The following DNAJC6 variants were observed in gnomAD, a reference collection of about 807,000 sequenced individuals.
DNAJC6 encodes the protein auxilin.
In DNAJC6, 34 loss-of-function variants were observed where a neutral mutation model predicts 110.0. That is an observed-to-expected ratio of 0.31 (90% confidence interval 0.24 to 0.41). The LOEUF (loss-of-function observed/expected upper bound fraction) is 0.41, where lower values mean the gene tolerates loss of function less well. Ranked by LOEUF, DNAJC6 falls within the 10% of genes least tolerant of loss-of-function variation. The pLI is 1.00. For missense variants in DNAJC6, 1,031 were observed against 1,207.8 expected, an observed-to-expected ratio of 0.85 and a Z score of 2.17; for synonymous variants, 406 against 437.2, an observed-to-expected ratio of 0.93 and a Z score of 0.89.
intron 1 of DNAJC6, among the ~76,000 whole-genome samples, chr1:65,311,226 T>TTG (rs1553137484): frequency 1.5e-5 from 2 of 135,334 alleles, no homozygotes; most frequent in Admixed American, 7.6e-5. Flanking sequence ...TTTTTTTTTT[T>TTG]TTTTTTTTTT....
chr1:65,343,401 G>A (rs1645407603), intron 1 of DNAJC6, among the ~76,000 whole-genome samples: 1 of 152,198 alleles, frequency 6.6e-6, no homozygotes, highest in South Asian at 2.1e-4. Context: ...GCCAACTGCA[G>A]TCTGAAAGTG....
intron 1 of DNAJC6, among the ~76,000 whole-genome samples, chr1:65,271,971 TTAGGGGCCTTACTATG>T: frequency 6.6e-6 from 1 of 152,336 alleles, no homozygotes; most frequent in South Asian, 2.1e-4. Flanking sequence ...TTTTTAGATT[TTAGGGGCCTTACTATG>T]TAGACCGTTT....
chr1:65,283,731 C>A (rs914259163), intron 1 of DNAJC6, among the ~76,000 whole-genome samples: 3 of 152,166 alleles, frequency 2.0e-5, no homozygotes, highest in African/African-American at 7.2e-5. Flanking sequence ...CACTGCCAAA[C>A]TATTTTCCAG....
At chr1:65,344,205 C>G (rs1645415800) in intron 1 of DNAJC6, among the ~76,000 whole-genome samples, 1 of 152,202 alleles carries the variant, frequency 6.6e-6, no homozygotes, top group Non-Finnish European at 1.5e-5. Flanking sequence ...TCACACAGCT[C>G]TTTCCTCCCT....
chr1:65,295,078 T>C (rs1025185534), intron 1 of DNAJC6, among the ~76,000 whole-genome samples: 2 of 152,316 alleles, frequency 1.3e-5, no homozygotes, highest in East Asian at 1.9e-4. Flanking sequence ...CTTCAGTGTA[T>C]TGAGCTACAG....
At chr1:65,290,663 A>G (rs954090114) in intron 1 of DNAJC6, among the ~76,000 whole-genome samples, 1 of 152,128 alleles carries the variant, frequency 6.6e-6, no homozygotes, top group South Asian at 2.1e-4. Flanking sequence ...TACCTTTCCT[A>G]TGGTGCTGAA....
intron 1 of DNAJC6, among the ~76,000 whole-genome samples, chr1:65,351,084 T>G (rs938526829): frequency 2.0e-5 from 3 of 152,158 alleles, no homozygotes; most frequent in Non-Finnish European, 4.4e-5. Flanking sequence ...TATTCCTGCT[T>G]CTTAGTAGTT....
At chr1:65,318,490 C>T (rs1294516783) in intron 1 of DNAJC6, among the ~76,000 whole-genome samples, 1 of 152,142 alleles carries the variant, frequency 6.6e-6, no homozygotes, top group East Asian at 1.9e-4. Context: ...TCAGATGTAC[C>T]TGAGTAAACA....
At position 65,415,449 on chromosome 1, in the gene DNAJC6, A is replaced by AACACACACACACAC. The variant is rs68183979; in HGVS notation, c.*2448_*2461dup. ...ATTTATACGTAATCACTCCTGCCCC[A>AACACACACACACAC]ACACACACACACACACACACACACA... is the stretch of plus-strand genomic sequence containing the variant. On this transcript the variant is annotated 3_prime_UTR_variant, in exon 19 of 19. Coordinates refer to ENST00000371069, the MANE Select transcript of DNAJC6 (RefSeq NM_001256864.2). The AACACACACACACAC allele has an allele frequency of 6.9e-5, 10 of 144,524 alleles. No homozygotes were observed. Among genetic ancestry groups the AACACACACACACAC allele is most frequent in the African/African-American group, 2.0e-4 (8 of 39,042 alleles). 9.0% of individuals were successfully genotyped at this position (144,524 alleles called of 1,614,324 possible). A position where few individuals can be genotyped will look rare whatever the true frequency, so the allele number is the denominator to read the frequency against.
At chr1:65,296,880 C>G (rs1644934615) in intron 1 of DNAJC6, among the ~76,000 whole-genome samples, 1 of 152,110 alleles carries the variant, frequency 6.6e-6, no homozygotes, top group South Asian at 2.1e-4. Flanking sequence ...GCCACCACGC[C>G]CAGCCTCATT....
At chr1:65,377,966 A>G (rs1645782075) in intron 4 of DNAJC6, among the ~76,000 whole-genome samples, 1 of 152,180 alleles carries the variant, frequency 6.6e-6, no homozygotes, top group Admixed American at 6.5e-5. Context: ...TTCAAGCTGG[A>G]AACTTGGAGT....
chr1:65,398,454 A>C (rs1254794578), intron 13 of DNAJC6, among the ~76,000 whole-genome samples: 1 of 152,222 alleles, frequency 6.6e-6, no homozygotes, highest in Non-Finnish European at 1.5e-5. Flanking sequence ...GGTGGGACAC[A>C]CACACATAAG....
At chr1:65,335,248 C>G (rs1452884933) in intron 1 of DNAJC6, among the ~76,000 whole-genome samples, 2 of 151,270 alleles carry the variant, frequency 1.3e-5, no homozygotes, top group Non-Finnish European at 2.9e-5. Context: ...GCTGGGACTA[C>G]AGGCGCACAC....
At chr1:65,338,210 A>G (rs1377641431) in intron 1 of DNAJC6, among the ~76,000 whole-genome samples, 1 of 152,132 alleles carries the variant, frequency 6.6e-6, no homozygotes, top group African/African-American at 2.4e-5. Flanking sequence ...TGGATTCACA[A>G]TTATATTTCT....
Position 65,271,762 on chromosome 1 carries a change from C to T in DNAJC6, c.-131+6830C>T, listed in dbSNP as rs181339063. On this transcript the variant is annotated intron_variant, in intron 1 of 19. Coordinates refer to the DNAJC6 transcript ENST00000263441. Reference sequence around the variant, plus strand: ...GTGTGTGCCTGTAATCCTAGCTACTCGGGAGGCTGTGGTGGGAGGATTGCT... The same window carrying T: ...GTGTGTGCCTGTAATCCTAGCTACTTGGGAGGCTGTGGTGGGAGGATTGCT... Among the ~76,000 whole-genome samples, 9 of 151,144 alleles carry T rather than the reference C, an allele frequency of 6.0e-5. No individual in the cohort carries two copies. In the East Asian group the frequency reaches 1.2e-3, roughly 20 times the overall value.
chr1:65,402,001 T>A, intron 15 of DNAJC6, 121 bp downstream of exon 15: 1 of 1,337,404 alleles, frequency 7.5e-7, no homozygotes, highest in African/African-American at 1.5e-5. Flanking sequence ...TAGTGTGTAT[T>A]CTTAAGCTAT....
chr1:65,330,453 C>A (rs990179059), intron 1 of DNAJC6, among the ~76,000 whole-genome samples: 1 of 151,960 alleles, frequency 6.6e-6, no homozygotes, highest in Non-Finnish European at 1.5e-5. Context: ...AGATGAAAGT[C>A]TATTTCTTTT....
intron 1 of DNAJC6, among the ~76,000 whole-genome samples, chr1:65,313,706 T>G (rs1465301741): frequency 6.6e-6 from 1 of 152,222 alleles, no homozygotes; most frequent in Non-Finnish European, 1.5e-5. Flanking sequence ...GGGTACATGT[T>G]CAGAGGAATG....
At chr1:65,408,868 G>C in intron 17 of DNAJC6, 85 bp downstream of exon 17, 1 of 1,489,356 alleles carries the variant, frequency 6.7e-7, no homozygotes, top group African/African-American at 1.4e-5. Context: ...ATCGCCATGA[G>C]AGTAACCTAT....
Sources: gnomAD v4.1 joint callset for allele counts (sites outside exome capture counted in the v4.1 genomes callset) on GRCh38, gnomAD v4.1.1 for gene constraint, MANE v1.5 for transcripts, NCBI Gene and HGNC (gene_info 2026-07-23, HGNC 2026-07-21) for gene names.